TNKS: variants seen among roughly 807,000 people sequenced by gnomAD.
TNKS encodes tankyrase.
A neutral mutation model predicts 135.8 loss-of-function variants in TNKS; 72 were observed. The observed-to-expected ratio is 0.53, with a 90% CI of 0.44 to 0.64. The LOEUF is 0.64. Ranked by LOEUF, TNKS falls within the 30% of genes least tolerant of loss-of-function variation. TNKS has a pLI of 0.00. For synonymous variants in TNKS, 849 were observed against 649.3 expected (o/e 1.31, Z -4.68); for missense variants, 1,769 against 1,674.0 (o/e 1.06, Z -0.99).
At chr8:9,768,269 A>C (rs1807588074) in intron 25 of TNKS, among the ~76,000 whole-genome samples, 1 of 152,214 alleles carries the variant, frequency 6.6e-6, no homozygotes, top group Non-Finnish European at 1.5e-5. Flanking sequence ...GAGGTGGAGA[A>C]GACAGCAGAG....
At chr8:9,747,935 T>G in intron 17 of TNKS, 89 bp from the exon 18 acceptor site, 1 of 1,240,964 alleles carries the variant, frequency 8.1e-7, no homozygotes, top group African/African-American at 1.5e-5. Flanking sequence ...TACAGAGGAG[T>G]GAATTGTTAA....
chr8:9,580,530 G>A, intron 2 of TNKS, 147 bp downstream of exon 2: 1 of 726,420 alleles, frequency 1.4e-6, no homozygotes, highest in Non-Finnish European at 2.2e-6. Flanking sequence ...GGTAAACAGA[G>A]AGATGGTAAT....
intron 3 of TNKS, among the ~76,000 whole-genome samples, chr8:9,662,961 T>C (rs1801795700): frequency 6.6e-6 from 1 of 152,160 alleles, no homozygotes; most frequent in Non-Finnish European, 1.5e-5. Context: ...ATTAAGTTAA[T>C]CTTGAGATGG....
chr8:9,741,316 A>G (rs1805947012), intron 17 of TNKS, among the ~76,000 whole-genome samples: 1 of 152,156 alleles, frequency 6.6e-6, no homozygotes, highest in Non-Finnish European at 1.5e-5. Context: ...TACTATGAGT[A>G]GGGACAGATG....
At chr8:9,608,156 G>T (rs1799308290) in intron 2 of TNKS, among the ~76,000 whole-genome samples, 1 of 152,036 alleles carries the variant, frequency 6.6e-6, no homozygotes, top group Non-Finnish European at 1.5e-5. Context: ...GCCCAGGCTG[G>T]TCTTAAACTC....
intron 1 of TNKS, among the ~76,000 whole-genome samples, chr8:9,568,950 T>C (rs1797656311): frequency 6.6e-6 from 1 of 152,336 alleles, no homozygotes; most frequent in Middle Eastern, 3.4e-3. Flanking sequence ...TACCTGTACT[T>C]GTTTTGAGCA....
At chr8:9,610,302 TATATATACTGTATTATTACGGTATA>T (rs1176724288) in intron 2 of TNKS, among the ~76,000 whole-genome samples, 1 of 150,934 alleles carries the variant, frequency 6.6e-6, no homozygotes, top group African/African-American at 2.4e-5. Flanking sequence ...ATCTATAATA[TATATATACTGTATTATTACGGTATA>T]ATATATACTG....
In TNKS at chr8:9,780,858, C is replaced by G. The variant is rs182099738; in HGVS notation, c.*4122C>G. ...TTAAAATTAATCCATTTCAATTTCT[C>G]CATATTGGAACTTCCTCAGCTACCA... On this transcript the variant is annotated 3_prime_UTR_variant, in exon 27 of 27. Coordinates refer to ENST00000310430, the MANE Select transcript of TNKS (RefSeq NM_003747.3). 6.6e-6 allele frequency: 1 copy of G among 152,210 alleles called. No individual in the cohort carries two copies. The highest frequency in any genetic ancestry group is 1.5e-5 in the Non-Finnish European group (1 of 68,016). 9.4% of individuals were successfully genotyped at this position (152,210 alleles called of 1,614,324 possible). A position where few individuals can be genotyped will look rare whatever the true frequency, so the allele number is the denominator to read the frequency against.
intron 22 of TNKS, among the ~76,000 whole-genome samples, 193 bp downstream of exon 22, chr8:9,763,437 G>C (rs953545781): frequency 3.9e-5 from 6 of 152,030 alleles, no homozygotes; most frequent in African/African-American, 1.5e-4. Flanking sequence ...ATAAGCCTAG[G>C]TTTTCTAATG....
chr8:9,721,070 A>G (rs995040337), intron 12 of TNKS, among the ~76,000 whole-genome samples: 2 of 151,990 alleles, frequency 1.3e-5, no homozygotes, highest in African/African-American at 4.8e-5. Flanking sequence ...TCACGAGGAC[A>G]GGAGATCGAG....
intron 2 of TNKS, among the ~76,000 whole-genome samples, chr8:9,607,634 C>T (rs1258866926): frequency 2.6e-5 from 4 of 152,086 alleles, no homozygotes; most frequent in Non-Finnish European, 5.9e-5. Context: ...CAAAAATACT[C>T]GTTTCCTAAG....
chr8:9,590,953 G>A (rs1224487084), intron 2 of TNKS, among the ~76,000 whole-genome samples: 1 of 152,172 alleles, frequency 6.6e-6, no homozygotes, highest in Non-Finnish European at 1.5e-5. Context: ...CGTTGCTTGT[G>A]CTTTGGTATC....
At chr8:9,604,703 A>G (rs1799152393) in intron 2 of TNKS, among the ~76,000 whole-genome samples, 1 of 151,938 alleles carries the variant, frequency 6.6e-6, no homozygotes, top group African/African-American at 2.4e-5. Context: ...GGGGTCTTCT[A>G]TTAGTTCTAG....
Position 9,779,049 on chromosome 8 carries a change from G to C in TNKS, c.*2313G>C, listed in dbSNP as rs893040980. The C allele has an allele frequency of 6.6e-6, 1 of 152,392 alleles. No homozygotes were observed. Among genetic ancestry groups the C allele is most frequent in the African/African-American group, 2.4e-5 (1 of 41,442 alleles). 9.4% of individuals were successfully genotyped at this position (152,392 alleles called of 1,614,324 possible). A position where few individuals can be genotyped will look rare whatever the true frequency, so the allele number is the denominator to read the frequency against. ...GCTCTGTGTGCCAGGTGAAGGTACTGTGTAAGGAAGACATTTGCGGTGCTT... is the reference window on the plus strand; with the variant it reads ...GCTCTGTGTGCCAGGTGAAGGTACTCTGTAAGGAAGACATTTGCGGTGCTT... On this transcript the variant is annotated 3_prime_UTR_variant, in exon 27 of 27. Coordinates refer to ENST00000310430, the MANE Select transcript of TNKS (RefSeq NM_003747.3).
intron 3 of TNKS, among the ~76,000 whole-genome samples, chr8:9,649,414 G>A (rs1034108802): frequency 4.6e-5 from 7 of 152,156 alleles, no homozygotes; most frequent in Non-Finnish European, 1.0e-4. Context: ...CACTTCACTA[G>A]TAGAATATAA....
intron 5 of TNKS, among the ~76,000 whole-genome samples, chr8:9,700,771 G>A (rs140194313): frequency 1.3e-5 from 2 of 152,038 alleles, no homozygotes; most frequent in East Asian, 1.9e-4. Context: ...CCGACTTCCT[G>A]TCACTTTCTA....
chr8:9,735,166 G>T, intron 16 of TNKS, 82 bp downstream of exon 16: 1 of 1,375,504 alleles, frequency 7.3e-7, no homozygotes, highest in Non-Finnish European at 9.9e-7. Flanking sequence ...AAGCCATGCT[G>T]AACACAAATG....
chr8:9,695,888 C>G (rs551664481), intron 5 of TNKS, among the ~76,000 whole-genome samples: 1 of 152,060 alleles, frequency 6.6e-6, no homozygotes, highest in Non-Finnish European at 1.5e-5. Flanking sequence ...AAAAGGATGG[C>G]GTTGTCATTA....
intron 11 of TNKS, among the ~76,000 whole-genome samples, chr8:9,712,131 T>C (rs1196004745): frequency 6.6e-6 from 1 of 152,230 alleles, no homozygotes; most frequent in Non-Finnish European, 1.5e-5. Flanking sequence ...GCTCCATGAA[T>C]CTGTATGAAA....
Sources: gnomAD v4.1 joint callset for allele counts (sites outside exome capture counted in the v4.1 genomes callset) on GRCh38, gnomAD v4.1.1 for gene constraint, MANE v1.5 for transcripts, NCBI Gene and HGNC (gene_info 2026-07-23, HGNC 2026-07-21) for gene names.